FCSK: variants seen among roughly 807,000 people sequenced by gnomAD.
FCSK encodes fucose kinase.
In FCSK, 123 loss-of-function variants were observed where a neutral mutation model predicts 122.5. That is an observed-to-expected ratio of 1.00 (90% CI 0.87 to 1.17). The LOEUF (loss-of-function observed/expected upper bound fraction) is 1.17, where lower values mean the gene tolerates loss of function less well. FCSK is among the 50% of genes most tolerant of loss of function. The pLI is 0.00. For synonymous variants in FCSK, 620 were observed against 625.5 expected (o/e 0.99, Z 0.13); for missense variants, 1,366 against 1,450.4 (o/e 0.94, Z 0.95).
intron 22 of FCSK, 138 bp downstream of exon 22, chr16:70,478,788 C>A: frequency 1.3e-6 from 1 of 761,254 alleles, no homozygotes; most frequent in Non-Finnish European, 2.3e-6. Context: ...TACTGTCTGT[C>A]CTCTCCAGGG....
chr16:70,466,411 G>T, intron 5 of FCSK, 154 bp downstream of exon 5: 1 of 934,692 alleles, frequency 1.1e-6, no homozygotes, highest in East Asian at 2.7e-5. Context: ...AGTTAGTTGT[G>T]TCTGGGGGCA....
intron 1 of FCSK, among the ~76,000 whole-genome samples, chr16:70,459,952 C>T (rs2048211468): frequency 6.6e-6 from 1 of 151,936 alleles, no homozygotes; most frequent in Admixed American, 6.6e-5. Context: ...CAGGTGCCCA[C>T]CACCACATCT....
At chr16:70,465,246 C>T in intron 4 of FCSK, 70 bp downstream of exon 4, 2 of 1,439,050 alleles carry the variant, frequency 1.4e-6, no homozygotes, top group Non-Finnish European at 1.9e-6. Context: ...AGCAGGACTT[C>T]AGGGGTGTTC....
rs926476628 is a variant in FCSK, at chr16:70,473,645, C to G, written c.1777+292C>G. ...AACCCTGCGTGTTCTGTACTGGGTG[C>G]CAGGATGTGGGTGCAGAGCGTGGCG... On this transcript the variant is annotated intron_variant, in intron 15 of 23. Transcript: ENST00000288078. This position sits in a 1 kb window ranked among gnomAD's most constrained non-coding sequence, Gnocchi z 4.9. Among the ~76,000 whole-genome samples the G allele has an allele frequency of 6.6e-6, 1 of 152,100 alleles. No homozygotes were observed. The highest frequency in any genetic ancestry group is 1.5e-5 in the Non-Finnish European group (1 of 68,006).
At chr16:70,464,221 G>A (rs934089871) in intron 3 of FCSK, among the ~76,000 whole-genome samples, 3 of 152,154 alleles carry the variant, frequency 2.0e-5, no homozygotes, top group Non-Finnish European at 4.4e-5. Context: ...GAGTGAGGGC[G>A]AGCACAGACT....
chr16:70,470,320 T>C lies in FCSK; in HGVS notation c.962T>C (p.Val321Ala), dbSNP rs377735594. 6.2e-6 allele frequency: 10 copies of C among 1,611,714 alleles called. No homozygotes were observed. In the African/African-American group the frequency reaches 1.2e-4, roughly 19 times the overall value. ...AGTACTTATGTCTTTACAGCCTATG[T>C]CTCCAGCGGCAGCTACAGCTACATG... ...LRDQPLTMAY[V>A]SSGSYSYMTS... Residue 321 changes from valine to alanine, a missense_variant, in exon 11 of 24, where the codon GTC becomes GCC. By Grantham distance (64) the Val-to-Ala change is moderately conservative (BLOSUM62 0). Transcript: ENST00000288078.
chr16:70,476,845 C>T (rs1388838558), intron 20 of FCSK, among the ~76,000 whole-genome samples: 3 of 152,142 alleles, frequency 2.0e-5, no homozygotes, highest in Non-Finnish European at 2.9e-5. Flanking sequence ...ATTTGGCCAA[C>T]GGAAAACTAT....
chr16:70,475,410 A>G lies in FCSK; in HGVS notation c.2438A>G (p.Gln813Arg). The change falls in exon 19 of 24, where the codon CAG becomes CGG. Residue 813 changes from glutamine to arginine, a missense_variant. Transcript: ENST00000288078. ...AGIVHVHSEL[Q>R]LSEQLLRTFG... The stretch of plus-strand genomic sequence containing the variant: ...ATCGTGCATGTCCACTCGGAACTCC[A>G]GCTGAGTGAGCAGCTGCTCCGCACC... 1 of 1,609,788 alleles carries G rather than the reference A, an allele frequency of 6.2e-7. No individual in the cohort carries two copies.
chr16:70,471,768 A>C (rs1183265400), intron 13 of FCSK, among the ~76,000 whole-genome samples: 2 of 149,414 alleles, frequency 1.3e-5, no homozygotes, highest in African/African-American at 4.9e-5. Context: ...CCAGCTTAGT[A>C]GAGATGGGGT....
In FCSK at chr16:70,463,783, T is replaced by C. The variant is rs1171925882; in HGVS notation, c.234+9T>C. 2.5e-6 allele frequency: 4 copies of C among 1,602,030 alleles called. No individual in the cohort carries two copies. In the South Asian group the frequency reaches 3.3e-5, roughly 13 times the overall value. ...CCCGGGCAGGCTTCACTGTGAGTGC[T>C]CACCAGGGCCACCTCCCTGGTCTGT... is the stretch of plus-strand genomic sequence containing the variant. On this transcript the variant is annotated intron_variant, in intron 3 of 23. Coordinates refer to ENST00000288078, the MANE Select transcript of FCSK (RefSeq NM_145059.3).
At chr16:70,456,454 A>T (rs919685411) in intron 1 of FCSK, among the ~76,000 whole-genome samples, 9 of 152,134 alleles carry the variant, frequency 5.9e-5, no homozygotes, top group African/African-American at 2.2e-4. Context: ...CTCTCAGGGG[A>T]TGTCCCTCAG....
chr16:70,475,632 CCT>C lies in FCSK; in HGVS notation c.2522-12_2522-11del. 6.3e-7 allele frequency: 1 copy of C among 1,577,578 alleles called. No homozygotes were observed. Among genetic ancestry groups the C allele is most frequent in the Non-Finnish European group, 8.6e-7 (1 of 1,157,330 alleles). On this transcript the variant is annotated splice_polypyrimidine_tract_variant and intron_variant, in intron 19 of 23. Coordinates refer to ENST00000288078, the MANE Select transcript of FCSK (RefSeq NM_145059.3). ...TGGAGGTGTTTCATGTCTGCTCTCT[CCT>C]CTCCGCCCTGCAGGCACCAGCAGCA...
chr16:70,463,106 A>G, intron 1 of FCSK, 63 bp from the exon 2 acceptor site: 1 of 945,498 alleles, frequency 1.1e-6, no homozygotes, highest in Non-Finnish European at 1.7e-6. Flanking sequence ...TGTATATAAA[A>G]TTAATTACTT....
chr16:70,457,318 G>A (rs1028072708), intron 1 of FCSK, among the ~76,000 whole-genome samples: 1 of 151,972 alleles, frequency 6.6e-6, no homozygotes, highest in African/African-American at 2.4e-5. Flanking sequence ...GCAGTGGCGT[G>A]ATCTTGGCTC....
chr16:70,477,988 G>A (rs1422142012), intron 20 of FCSK: 4 of 423,134 alleles, frequency 9.5e-6, no homozygotes, highest in East Asian at 4.1e-5. Flanking sequence ...CGGCCATAGT[G>A]TAAAATCTTT....
At chr16:70,469,797 T>C (rs887974244) in intron 10 of FCSK, among the ~76,000 whole-genome samples, 2 of 151,960 alleles carry the variant, frequency 1.3e-5, no homozygotes, top group African/African-American at 2.4e-5. Flanking sequence ...CCTCCCGAAG[T>C]GCTGGGCTTA....
At position 70,479,334 on chromosome 16, in the gene FCSK, C is replaced by T; in HGVS notation, c.3084C>T (p.Gly1028=). The T allele has an allele frequency of 6.2e-7, 1 of 1,613,976 alleles. No homozygotes were observed. Among genetic ancestry groups the T allele is most frequent in the South Asian group, 1.1e-5 (1 of 91,080 alleles). The change falls in exon 23 of 24, where the codon GGC becomes GGT. Residue 1028 remains glycine (G), a synonymous_variant. Transcript: ENST00000288078. ...GQSLAGAGGG[G]FLYLLTKEPQ... is the part of the protein sequence containing the mutation. Reference sequence around the variant, plus strand: ...GCCTGGCTGGGGCAGGCGGTGGAGGCTTTCTCTATCTGTTGACCAAGGAGC... The same window carrying T: ...GCCTGGCTGGGGCAGGCGGTGGAGGTTTTCTCTATCTGTTGACCAAGGAGC...
intron 8 of FCSK, among the ~76,000 whole-genome samples, chr16:70,468,380 A>C (rs1306189944): frequency 6.6e-6 from 1 of 152,258 alleles, no homozygotes. Flanking sequence ...AGATCGTGCC[A>C]CTGCACTTCA....
Position 70,480,084 on chromosome 16 carries a change from C to G in FCSK, c.*404C>G. 6.0e-6 allele frequency: 1 copy of G among 165,350 alleles called. No individual in the cohort carries two copies. Among genetic ancestry groups the G allele is most frequent in the South Asian group, 1.7e-4 (1 of 5,808 alleles). The allele number at this position is 165,350 out of a possible 1,614,324, so 10.2% of individuals were successfully genotyped here. A position where few individuals can be genotyped will look rare whatever the true frequency, so the allele number is the denominator to read the frequency against. ...CCTATGGCTTAGAGTTGTAGACTTACACTCAACCCTCATGTGAGCGTGGGA... is the reference window on the plus strand; with the variant it reads ...CCTATGGCTTAGAGTTGTAGACTTAGACTCAACCCTCATGTGAGCGTGGGA... On this transcript the variant is annotated 3_prime_UTR_variant, in exon 24 of 24. Transcript: ENST00000288078.
Sources: allele counts gnomAD v4.1 joint callset (sites outside exome capture counted in the v4.1 genomes callset), GRCh38; gene constraint gnomAD v4.1.1; non-coding constraint Gnocchi (gnomAD v3.1); transcripts MANE v1.5; gene names NCBI Gene and HGNC (gene_info 2026-07-23, HGNC 2026-07-21).